The following RBPJL variants were observed in gnomAD, a reference collection of about 807,000 sequenced individuals.
RBPJL encodes recombining binding protein suppressor of hairless-like protein.
A neutral mutation model predicts 57.6 loss-of-function variants in RBPJL; 50 were observed. The ratio of observed to expected loss-of-function variants is 0.87; its 90% CI spans 0.69 to 1.10. RBPJL has a LOEUF of 1.10. RBPJL is among the 50% of genes least tolerant of loss of function. The probability of loss-of-function intolerance (pLI) is 0.00; values close to 1 mark genes in which losing one functional copy is unlikely to be tolerated. For missense variants in RBPJL, 684 were observed against 693.7 expected, an observed-to-expected ratio of 0.99 and a Z score of 0.16; for synonymous variants, 303 against 294.4, an observed-to-expected ratio of 1.03 and a Z score of -0.30.
Position 45,312,218 on chromosome 20 carries a change from T to C in RBPJL, c.445-3T>C. The C allele has an allele frequency of 6.2e-7, 1 of 1,614,036 alleles. No individual in the cohort carries two copies. The highest frequency in any genetic ancestry group is 8.5e-7 in the Non-Finnish European group (1 of 1,179,976). On this transcript the variant is annotated splice_polypyrimidine_tract_variant and splice_region_variant and intron_variant, in intron 5 of 11. Transcript: ENST00000343694. ...GATGGCCCTGTACCTGTGAGCCCCCTAGGAATTCGGCTGCGCCAAGACCCT... is the reference window on the plus strand; with the variant it reads ...GATGGCCCTGTACCTGTGAGCCCCCCAGGAATTCGGCTGCGCCAAGACCCT...
rs1309621082 is a variant in RBPJL, at chr20:45,311,894, C to A, written c.384C>A (p.Ser128Arg). Residue 128 changes from serine to arginine, a missense_variant, in exon 5 of 12, where the codon AGC becomes AGA. Physicochemically the swap from Ser to Arg is moderately radical, Grantham distance 110 (BLOSUM62 -1). Transcript: ENST00000343694. The part of the protein sequence containing the change: ...PTVCGYMGLD[S>R]ASGSATETQK... ...TCTGCGGTTACATGGGACTGGACAG[C>A]GCGTCCGGCAGCGCCACTGAGACGC... The A allele has an allele frequency of 1.9e-6, 3 of 1,539,644 alleles. No homozygotes were observed. Among genetic ancestry groups the A allele is most frequent in the African/African-American group, 3.0e-5 (2 of 66,864 alleles).
chr20:45,312,827 CAAAAAAAA>C (rs749039599), intron 6 of RBPJL, among the ~76,000 whole-genome samples: 8 of 84,790 alleles, frequency 9.4e-5, no homozygotes, highest in South Asian at 3.8e-4. Context: ...TTGTCTGTAC[CAAAAAAAA>C]AAAAAAAAAA....
At position 45,316,773 on chromosome 20, in the gene RBPJL, C is replaced by A. The variant is rs781172066; in HGVS notation, c.1368C>A (p.Pro456=). The change falls in exon 12 of 12, where the codon CCC becomes CCA. Residue 456 remains proline, a synonymous_variant. Transcript: ENST00000343694. The part of the protein sequence containing the change: ...WRWLRAPITI[P]MSLVRADGLF... ...GGCTGCGCGCTCCCATCACAATCCC[C>A]ATGAGCCTGGTGCGCGCCGACGGGC... 2 of 1,613,898 alleles carry A rather than the reference C, an allele frequency of 1.2e-6. No homozygotes were observed. The highest frequency in any genetic ancestry group is 4.5e-5 in the East Asian group (2 of 44,862).
At chr20:45,308,955 C>T (rs1704512011) in intron 2 of RBPJL, among the ~76,000 whole-genome samples, 1 of 152,176 alleles carries the variant, frequency 6.6e-6, no homozygotes, top group Non-Finnish European at 1.5e-5. Flanking sequence ...CAACAGGCCA[C>T]TTCTCATGGG....
rs769988020 is a variant in RBPJL at position 45,314,515 on chromosome 20, G to C, written c.970G>C (p.Gly324Arg). 17 of 1,614,058 alleles carry C rather than the reference G, an allele frequency of 1.1e-5. No homozygotes were observed. In the South Asian group the frequency reaches 1.8e-4, roughly 17 times the overall value. Residue 324 changes from glycine (G) to arginine (R), a missense_variant, in exon 9 of 12, where the codon GGG (glycine) becomes CGG (arginine). By Grantham distance (125) the Gly-to-Arg change is moderately radical. Coordinates refer to ENST00000343694, the MANE Select transcript of RBPJL (RefSeq NM_014276.4). Reference sequence around the variant, plus strand: ...CCAGTTTCCAGGCAGTCCCCCAGGAGGGGGTGGCACCTACTTATGCCTTGC... The same window carrying C: ...CCAGTTTCCAGGCAGTCCCCCAGGACGGGGTGGCACCTACTTATGCCTTGC... ...AFQFPGSPPG[G>R]GGTYLCLATE...
chr20:45,313,415 C>A, intron 6 of RBPJL, 53 bp from the exon 7 acceptor site: 2 of 1,471,212 alleles, frequency 1.4e-6, no homozygotes, highest in Non-Finnish European at 9.2e-7. Context: ...CCTATCCCCT[C>A]ACCCTAACCC....
intron 2 of RBPJL, among the ~76,000 whole-genome samples, chr20:45,309,024 C>G (rs1053461557): frequency 6.6e-6 from 1 of 152,112 alleles, no homozygotes; most frequent in African/African-American, 2.4e-5. Flanking sequence ...AGGCCATCCC[C>G]CATCCTGAGG....
At chr20:45,316,119 A>G (rs1342112168) in intron 9 of RBPJL, 68 bp from the exon 10 acceptor site, 2 of 1,534,268 alleles carry the variant, frequency 1.3e-6, no homozygotes, top group African/African-American at 1.4e-5. Context: ...CCCACGCGCC[A>G]TGCTGGCTCC....
At position 45,316,715 on chromosome 20, in the gene RBPJL, C is replaced by A. The variant is rs1041870471; in HGVS notation, c.1310C>A (p.Pro437Gln). 2 of 1,610,718 alleles carry A rather than the reference C, an allele frequency of 1.2e-6. No homozygotes were observed. The highest frequency in any genetic ancestry group is 2.7e-5 in the African/African-American group (2 of 74,838). Residue 437 changes from proline to glutamine, a missense_variant, in exon 12 of 12, where the codon CCG (proline) becomes CAG (glutamine). By Grantham distance (76) the Pro-to-Gln change is moderately conservative. Coordinates refer to ENST00000343694, the MANE Select transcript of RBPJL (RefSeq NM_014276.4). ...CCGCGGTCCCTGGTGTGCGTGGTGC[C>A]GGACGTGGCGGCCTTCTGCAGCGAC... is the stretch of plus-strand genomic sequence containing the variant. The part of the protein sequence containing the change: ...RSPRSLVCVV[P>Q]DVAAFCSDWR...
chr20:45,314,525 C>T lies in RBPJL; in HGVS notation c.980C>T (p.Thr327Ile), dbSNP rs1339853001. The change falls in exon 9 of 12, where the codon ACC (threonine) becomes ATC (isoleucine). Residue 327 changes from threonine to isoleucine, a missense_variant. Coordinates refer to ENST00000343694, the MANE Select transcript of RBPJL (RefSeq NM_014276.4). ...GGCAGTCCCCCAGGAGGGGGTGGCACCTACTTATGCCTTGCCACAGAGAAG... is the reference window on the plus strand; with the variant it reads ...GGCAGTCCCCCAGGAGGGGGTGGCATCTACTTATGCCTTGCCACAGAGAAG... ...FPGSPPGGGG[T>I]YLCLATEKVV... 2 of 1,613,940 alleles carry T rather than the reference C, an allele frequency of 1.2e-6. No homozygotes were observed. Among genetic ancestry groups the T allele is most frequent in the African/African-American group, 1.3e-5 (1 of 74,922 alleles).
Position 45,308,237 on chromosome 20 carries a change from G to A in RBPJL, c.117G>A (p.Pro39=), listed in dbSNP as rs201926077. ...GCGAAGCCGACAGGCGGAGCCTCCC[G>A]GGCACTTGGACCAGGTAACGGCGGC... ...LQSEADRRSL[P]GTWTRSSPEH... is the part of the protein sequence containing the mutation. Residue 39 remains proline (P), a synonymous_variant, in exon 2 of 12, where the codon CCG becomes CCA. Transcript: ENST00000343694. The A allele has an allele frequency of 9.9e-6, 16 of 1,613,070 alleles. No individual in the cohort carries two copies. The highest frequency in any genetic ancestry group is 6.7e-5 in the African/African-American group (5 of 75,028).
intron 3 of RBPJL, 87 bp downstream of exon 3, chr20:45,309,779 G>T (rs897136404): frequency 4.5e-6 from 7 of 1,545,928 alleles, no homozygotes; most frequent in African/African-American, 1.4e-5. Flanking sequence ...TCTTTTAGAC[G>T]CAGAGCAGGC....
chr20:45,313,484 C>A lies in RBPJL; in HGVS notation c.636C>A (p.Gly212=). Residue 212 remains glycine, a synonymous_variant, in exon 7 of 12, where the codon GGC becomes GGA. Coordinates refer to ENST00000343694, the MANE Select transcript of RBPJL (RefSeq NM_014276.4). The part of the protein sequence containing the change: ...LKNTDLCISS[G]SKVSLFNRLR... ...CCCTCACAGTGTGCATATCCTCCGG[C>A]TCAAAGGTCTCCCTCTTCAACCGCC... 1 of 1,613,194 alleles carries A rather than the reference C, an allele frequency of 6.2e-7. No individual in the cohort carries two copies. Among genetic ancestry groups the A allele is most frequent in the Non-Finnish European group, 8.5e-7 (1 of 1,179,518 alleles).
Position 45,317,220 on chromosome 20 carries a change from C to A in RBPJL, c.*261C>A. 1.8e-6 allele frequency: 1 copy of A among 558,912 alleles called. No homozygotes were observed. 34.6% of individuals were successfully genotyped at this position (558,912 alleles called of 1,614,324 possible). ...CTCTCCCTGTCTTCATTTCTTCTCACTCTGTCTCTAAACCTCTCTCTCTCT... is the reference window on the plus strand; with the variant it reads ...CTCTCCCTGTCTTCATTTCTTCTCAATCTGTCTCTAAACCTCTCTCTCTCT... On this transcript the variant is annotated 3_prime_UTR_variant, in exon 12 of 12. Transcript: ENST00000343694.
chr20:45,314,230 G>T, intron 8 of RBPJL, 86 bp downstream of exon 8: 3 of 1,338,936 alleles, frequency 2.2e-6, no homozygotes, highest in Non-Finnish European at 3.2e-6. Context: ...GGAGAGTGAG[G>T]CCCCAAGGCA....
At position 45,314,157 on chromosome 20, in the gene RBPJL, A is replaced by G; in HGVS notation, c.867+13A>G. ...ACTACCTCCCATGGTATAGGAAGGG[A>G]GGGCATGCCTGGAGGGGTCCCCTCA... On this transcript the variant is annotated intron_variant, in intron 8 of 11. Transcript: ENST00000343694. 2.5e-6 allele frequency: 4 copies of G among 1,604,940 alleles called. No individual in the cohort carries two copies. The highest frequency in any genetic ancestry group is 3.4e-6 in the Non-Finnish European group (4 of 1,172,368).
intron 4 of RBPJL, 51 bp from the exon 5 acceptor site, chr20:45,311,788 G>A: frequency 6.5e-7 from 1 of 1,529,632 alleles, no homozygotes; most frequent in Admixed American, 2.0e-5. Flanking sequence ...AGCTTGCCTG[G>A]CACCTGCGTC....
rs576271237 is a variant in RBPJL, at chr20:45,316,716, G to A, written c.1311G>A (p.Pro437=). The change falls in exon 12 of 12, where the codon CCG becomes CCA. Residue 437 remains proline, a synonymous_variant. Coordinates refer to ENST00000343694, the MANE Select transcript of RBPJL (RefSeq NM_014276.4). ...CGCGGTCCCTGGTGTGCGTGGTGCC[G>A]GACGTGGCGGCCTTCTGCAGCGACT... The part of the protein sequence containing the change: ...RSPRSLVCVV[P]DVAAFCSDWR... The A allele has an allele frequency of 6.2e-7, 1 of 1,611,128 alleles. No individual in the cohort carries two copies. The highest frequency in any genetic ancestry group is 1.1e-5 in the South Asian group (1 of 90,798).
At position 45,314,482 on chromosome 20, in the gene RBPJL, T is replaced by G. The variant is rs747226587; in HGVS notation, c.937T>G (p.Cys313Gly). 2 of 1,614,182 alleles carry G rather than the reference T, an allele frequency of 1.2e-6. No individual in the cohort carries two copies. Among genetic ancestry groups the G allele is most frequent in the Non-Finnish European group, 1.7e-6 (2 of 1,180,020 alleles). The change falls in exon 9 of 12, where the codon TGT (cysteine) becomes GGT (glycine). Residue 313 changes from cysteine to glycine, a missense_variant. Coordinates refer to ENST00000343694, the MANE Select transcript of RBPJL (RefSeq NM_014276.4). ...TGAGCCCATCTCCCAGCTGCACAAG[T>G]GTGCATTCCAGTTTCCAGGCAGTCC... ...VDEPISQLHK[C>G]AFQFPGSPPG...
Sources: allele counts gnomAD v4.1 joint callset (sites outside exome capture counted in the v4.1 genomes callset), GRCh38; gene constraint gnomAD v4.1.1; transcripts MANE v1.5; gene names NCBI Gene and HGNC (gene_info 2026-07-23, HGNC 2026-07-21).